The following KALRN variants were observed in gnomAD, a reference collection of about 807,000 sequenced individuals.
KALRN encodes kalirin.
A neutral mutation model predicts 353.7 loss-of-function variants in KALRN; 70 were observed. That is an observed-to-expected ratio of 0.20 (90% CI 0.16 to 0.24). The LOEUF (loss-of-function observed/expected upper bound fraction) is 0.24, where lower values mean the gene tolerates loss of function less well. Among genes scored for constraint, KALRN ranks in the 10% least tolerant of loss-of-function variants. The pLI, the probability that KALRN is intolerant of heterozygous loss-of-function variation, is 1.00. For synonymous variants in KALRN, 1,391 were observed against 1,434.8 expected (o/e 0.97, Z 0.69); for missense variants, 2,791 against 3,756.7 (o/e 0.74, Z 6.72).
At chr3:124,198,035 A>G (rs2075607582) in intron 1 of KALRN, among the ~76,000 whole-genome samples, 1 of 152,180 alleles carries the variant, frequency 6.6e-6, no homozygotes, top group Admixed American at 6.5e-5. Context: ...ACAATACCAC[A>G]TTTATACAGA....
chr3:124,413,396 G>A lies in KALRN; in HGVS notation c.2347-74G>A. On this transcript the variant is annotated intron_variant, in intron 13 of 59. Transcript: ENST00000682506. The stretch of plus-strand genomic sequence containing the variant: ...GGGGTGGATTCATGAATAAGGCTTG[G>A]AATTGTGAGCCTTAACCTAACAATC... 7.9e-6 allele frequency: 10 copies of A among 1,257,882 alleles called. 1 individual carries two copies. Among genetic ancestry groups the A allele is most frequent in the South Asian group, 2.9e-5 (2 of 69,568 alleles). 77.9% of individuals were successfully genotyped at this position (1,257,882 alleles called of 1,614,324 possible).
intron 51 of KALRN, among the ~76,000 whole-genome samples, chr3:124,690,382 A>C (rs940085506): frequency 1.3e-5 from 2 of 152,180 alleles, no homozygotes; most frequent in Non-Finnish European, 2.9e-5. Context: ...AAAATGAGGG[A>C]GGAATCTTCT....
intron 12 of KALRN, among the ~76,000 whole-genome samples, chr3:124,396,944 T>C (rs111962197): frequency 0.043 from 6,548 of 152,276 alleles, 475 homozygotes; most frequent in African/African-American, 0.15. Context: ...AAATGGTGCT[T>C]AGTGGACATT....
intron 3 of KALRN, among the ~76,000 whole-genome samples, chr3:124,243,126 T>C (rs1030308734): frequency 2.0e-5 from 3 of 152,224 alleles, no homozygotes; most frequent in South Asian, 2.1e-4. Context: ...TGTTTCTATA[T>C]TGGCATTGCT....
chr3:124,217,129 A>G (rs553995886), intron 1 of KALRN, among the ~76,000 whole-genome samples: 1 of 152,284 alleles, frequency 6.6e-6, no homozygotes, highest in Admixed American at 6.5e-5. Flanking sequence ...TTCTTGCATG[A>G]TATTGAAATT....
In KALRN at chr3:124,145,518, G is replaced by A. The variant is rs1447768318; in HGVS notation, c.74-82472G>A. 2.6e-5 allele frequency among the ~76,000 whole-genome samples: 4 copies of A among 152,186 alleles called. No individual in the cohort carries two copies. The East Asian group carries it at 7.7e-4, about 29-fold the overall frequency. ...GTGACATCTGAGGCTTCTTCCTGTG[G>A]CAGTGCCACTCACTGCCCCTCTTCT... On this transcript the variant is annotated intron_variant, in intron 1 of 59. Transcript: ENST00000682506.
At chr3:124,589,167 A>T (rs1232208923) in intron 34 of KALRN, among the ~76,000 whole-genome samples, 1 of 152,212 alleles carries the variant, frequency 6.6e-6, no homozygotes, top group South Asian at 2.1e-4. Context: ...CAGAAACCTT[A>T]TGACTTGACG....
At chr3:124,705,041 A>G (rs568258621) in intron 57 of KALRN, among the ~76,000 whole-genome samples, 11 of 152,354 alleles carry the variant, frequency 7.2e-5, no homozygotes, top group Non-Finnish European at 8.8e-5. Flanking sequence ...CTCCTACAGC[A>G]CATCCATAGA....
At chr3:124,577,696 G>A (rs1375631355) in intron 34 of KALRN, among the ~76,000 whole-genome samples, 1 of 152,116 alleles carries the variant, frequency 6.6e-6, no homozygotes, top group Non-Finnish European at 1.5e-5. Context: ...AGACCAGCCT[G>A]GGCAATGTAG....
chr3:124,559,211 C>A (rs1158294607), intron 33 of KALRN, among the ~76,000 whole-genome samples: 1 of 152,118 alleles, frequency 6.6e-6, no homozygotes, highest in African/African-American at 2.4e-5. Context: ...CTCCTTCTGC[C>A]CCTCTGGGAA....
At chr3:124,185,880 G>A (rs2074159429) in intron 1 of KALRN, among the ~76,000 whole-genome samples, 1 of 152,162 alleles carries the variant, frequency 6.6e-6, no homozygotes, top group Non-Finnish European at 1.5e-5. Context: ...GTTTTTACCT[G>A]GATTGTAAGC....
intron 34 of KALRN, among the ~76,000 whole-genome samples, chr3:124,582,568 C>T (rs1223484384): frequency 2.0e-5 from 3 of 152,140 alleles, no homozygotes; most frequent in African/African-American, 7.2e-5. Flanking sequence ...TTTATTAATT[C>T]AGTTTCTTCA....
At chr3:124,599,148 G>A (rs1320876258) in intron 34 of KALRN, among the ~76,000 whole-genome samples, 2 of 152,144 alleles carry the variant, frequency 1.3e-5, no homozygotes, top group African/African-American at 4.8e-5. Flanking sequence ...GGTATTATTT[G>A]TGTTCTCTAC....
At chr3:124,189,891 A>T (rs2074691118) in intron 1 of KALRN, among the ~76,000 whole-genome samples, 1 of 146,370 alleles carries the variant, frequency 6.8e-6, no homozygotes, top group South Asian at 2.4e-4. Context: ...GTGAGCTAAG[A>T]TTGCGCCACT....
At chr3:124,554,348 A>G (rs1401110021) in intron 33 of KALRN, among the ~76,000 whole-genome samples, 2 of 152,220 alleles carry the variant, frequency 1.3e-5, no homozygotes, top group African/African-American at 4.8e-5. Context: ...TGCTCAAAGG[A>G]AGCCAGCAGC....
chr3:124,306,178 G>A (rs948257359), intron 6 of KALRN, among the ~76,000 whole-genome samples: 6 of 151,488 alleles, frequency 4.0e-5, no homozygotes, highest in African/African-American at 9.7e-5. Flanking sequence ...AGGCTCAAGC[G>A]GTCCTCCCAC....
rs1017573946 is a variant in KALRN, at chr3:124,335,081, G to A, written c.1647+586G>A. Among the ~76,000 whole-genome samples the A allele has an allele frequency of 2.0e-5, 3 of 152,030 alleles. No homozygotes were observed. In the East Asian group the frequency reaches 5.8e-4, roughly 29 times the overall value. ...AAGTGTCAATATGGGTTAGGATTAG[G>A]GCCAATATGGCACATTTTTCTTTTG... On this transcript the variant is annotated intron_variant, in intron 9 of 59. Coordinates refer to ENST00000682506, the MANE Select transcript of KALRN (RefSeq NM_001388419.1).
At chr3:124,426,629 A>G (rs1203149945) in intron 15 of KALRN, among the ~76,000 whole-genome samples, 1 of 152,188 alleles carries the variant, frequency 6.6e-6, no homozygotes, top group East Asian at 1.9e-4. Context: ...TTTATGTAGG[A>G]CTTTATATCT....
intron 10 of KALRN, among the ~76,000 whole-genome samples, chr3:124,354,884 T>C (rs2083219194): frequency 6.6e-6 from 1 of 152,178 alleles, no homozygotes; most frequent in African/African-American, 2.4e-5. Context: ...GGTAGAACCT[T>C]ATGCAGAAAC....
Sources: allele counts gnomAD v4.1 joint callset (sites outside exome capture counted in the v4.1 genomes callset), GRCh38; gene constraint gnomAD v4.1.1; transcripts MANE v1.5; gene names NCBI Gene and HGNC (gene_info 2026-07-23, HGNC 2026-07-21).